The following METAP1D variants were observed in gnomAD, a reference collection of about 807,000 sequenced individuals.
METAP1D encodes methionine aminopeptidase 1D, mitochondrial.
In METAP1D, 31 loss-of-function variants were observed where a neutral mutation model predicts 40.5. The ratio of observed to expected loss-of-function variants is 0.77; its 90% confidence interval spans 0.58 to 1.03. The LOEUF (loss-of-function observed/expected upper bound fraction) is 1.03. METAP1D is among the 50% of genes least tolerant of loss of function. The probability of loss-of-function intolerance (pLI) is 0.00; values close to 1 mark genes in which losing one functional copy is unlikely to be tolerated. For synonymous variants in METAP1D, 151 were observed against 146.4 expected (o/e 1.03, Z -0.22); for missense variants, 411 against 420.7 (o/e 0.98, Z 0.20).
rs181717777 is a variant in METAP1D at position 172,003,910 on chromosome 2, G to T, written c.40+3901G>T. On this transcript the variant is annotated intron_variant, in intron 1 of 9. Coordinates refer to ENST00000315796, the MANE Select transcript of METAP1D (RefSeq NM_199227.3). ...CTCCCGAGTAGCTGGGACCACAGGT[G>T]CCCACCACCACGCCTGGCTAATTTT... Among the ~76,000 whole-genome samples the T allele has an allele frequency of 2.1e-3, 314 of 151,732 alleles. 1 individual carries two copies. Among genetic ancestry groups the T allele is most frequent in the Middle Eastern group, 3.4e-3 (1 of 292 alleles).
intron 1 of METAP1D, among the ~76,000 whole-genome samples, chr2:172,010,315 C>T (rs1688683016): frequency 1.3e-5 from 2 of 150,636 alleles, no homozygotes; most frequent in South Asian, 4.2e-4. Context: ...TAATTTTTTG[C>T]ATTTTTTGTA....
At chr2:172,070,755 A>G in intron 5 of METAP1D, 152 bp from the exon 6 acceptor site, 2 of 542,352 alleles carry the variant, frequency 3.7e-6, no homozygotes, top group Non-Finnish European at 5.7e-6. Context: ...CAAGGTTTCA[A>G]TATATCTATT....
intron 1 of METAP1D, among the ~76,000 whole-genome samples, chr2:172,050,143 A>G (rs1481375330): frequency 1.3e-5 from 2 of 152,188 alleles, no homozygotes; most frequent in African/African-American, 4.8e-5. Flanking sequence ...CATTGAAAAG[A>G]AAAAAGGAAA....
intron 1 of METAP1D, among the ~76,000 whole-genome samples, chr2:172,001,732 A>G (rs1231529372): frequency 6.6e-6 from 1 of 152,136 alleles, no homozygotes; most frequent in Non-Finnish European, 1.5e-5. Context: ...GACTGGTTGC[A>G]TGAAGGAATG....
intron 5 of METAP1D, among the ~76,000 whole-genome samples, chr2:172,068,853 C>T (rs536720059): frequency 1.3e-5 from 2 of 152,122 alleles, no homozygotes; most frequent in African/African-American, 4.8e-5. Context: ...TTCCTTCCTT[C>T]CTTCGTTCCT....
intron 1 of METAP1D, among the ~76,000 whole-genome samples, chr2:172,020,633 C>G (rs1318320071): frequency 3.9e-5 from 6 of 152,092 alleles, no homozygotes; most frequent in Admixed American, 6.5e-5. Flanking sequence ...CAGACAAAAC[C>G]CCCTACCCTA....
intron 7 of METAP1D, 46 bp from the exon 8 acceptor site, chr2:172,079,169 T>TCCTCCCCATTTCCTATTCTCA: frequency 6.3e-7 from 1 of 1,599,396 alleles, no homozygotes; most frequent in Non-Finnish European, 8.6e-7. Context: ...TTTTTTTCTG[T>TCCTCCCCATTTCCTATTCTCA]CCTCCCCATT....
At chr2:172,052,407 C>G (rs1574128071) in intron 1 of METAP1D, among the ~76,000 whole-genome samples, 1 of 152,108 alleles carries the variant, frequency 6.6e-6, no homozygotes, top group African/African-American at 2.4e-5. Flanking sequence ...GGCTCTTTAC[C>G]AGCTTGTTTC....
intron 6 of METAP1D, among the ~76,000 whole-genome samples, chr2:172,074,344 ATC>A (rs536379089): frequency 6.3e-4 from 96 of 152,308 alleles, no homozygotes; most frequent in African/African-American, 2.1e-3. Flanking sequence ...TTAAAAAATA[ATC>A]TCTTTCTATT....
chr2:172,045,988 A>T (rs1365741022), intron 1 of METAP1D, among the ~76,000 whole-genome samples: 1 of 146,912 alleles, frequency 6.8e-6, no homozygotes, highest in Non-Finnish European at 1.5e-5. Context: ...GGGCTTCCCA[A>T]ATTTTATTTT....
intron 6 of METAP1D, among the ~76,000 whole-genome samples, chr2:172,073,608 TTA>T (rs1690475498): frequency 6.6e-6 from 1 of 152,192 alleles, no homozygotes; most frequent in Admixed American, 6.5e-5. Flanking sequence ...TTTAGATGGT[TTA>T]TGTCTGCCGC....
intron 1 of METAP1D, among the ~76,000 whole-genome samples, chr2:172,051,489 T>C (rs1689883046): frequency 6.6e-6 from 1 of 152,192 alleles, no homozygotes; most frequent in South Asian, 2.1e-4. Flanking sequence ...TCGTAAAACA[T>C]TTCTGAACTT....
intron 4 of METAP1D, 125 bp downstream of exon 4, chr2:172,065,877 T>C (rs1219230440): frequency 3.1e-5 from 33 of 1,048,318 alleles, no homozygotes; most frequent in Non-Finnish European, 4.2e-5. Context: ...AAATTGATTA[T>C]GATAAAACAG....
intron 1 of METAP1D, among the ~76,000 whole-genome samples, chr2:172,028,829 GTAA>G (rs1559000347): frequency 6.6e-6 from 1 of 152,084 alleles, no homozygotes; most frequent in Non-Finnish European, 1.5e-5. Context: ...TGAATTCCCT[GTAA>G]TAATTTAAGG....
Position 172,028,534 on chromosome 2 carries a change from ATGTGTGTCTGTGTGTG to A in METAP1D, c.40+28533_40+28548del, listed in dbSNP as rs1689170096. On this transcript the variant is annotated intron_variant, in intron 1 of 9. Coordinates refer to ENST00000315796, the MANE Select transcript of METAP1D (RefSeq NM_199227.3). Reference sequence around the variant, plus strand: ...TTCCTACACATGAGCAGACTTCTGTATGTGTGTCTGTGTGTGTGTGTGTGTGTGTGTGTGTGTGTGT... The same window carrying A: ...TTCCTACACATGAGCAGACTTCTGTATGTGTGTGTGTGTGTGTGTGTGTGT... Among the ~76,000 whole-genome samples the A allele has an allele frequency of 9.6e-5, 12 of 124,450 alleles. No homozygotes were observed. The South Asian group carries it at 3.2e-3, about 34-fold the overall frequency. 81.6% of individuals were successfully genotyped at this position (124,450 alleles called of 152,430 possible).
At chr2:172,007,694 A>G (rs1397184456) in intron 1 of METAP1D, among the ~76,000 whole-genome samples, 2 of 151,986 alleles carry the variant, frequency 1.3e-5, no homozygotes, top group African/African-American at 4.8e-5. Context: ...GGAAAAGGAT[A>G]TTAATTTTGT....
intron 1 of METAP1D, among the ~76,000 whole-genome samples, chr2:172,035,288 C>A (rs1689347842): frequency 6.6e-6 from 1 of 152,086 alleles, no homozygotes; most frequent in Non-Finnish European, 1.5e-5. Context: ...CCTCAGCCTC[C>A]CGAGTAGCTG....
intron 8 of METAP1D, among the ~76,000 whole-genome samples, chr2:172,079,759 A>G (rs1337465846): frequency 2.6e-5 from 4 of 152,222 alleles, no homozygotes; most frequent in Non-Finnish European, 5.9e-5. Context: ...GAACATCTCG[A>G]GCATGTTTTT....
intron 1 of METAP1D, among the ~76,000 whole-genome samples, chr2:172,028,116 G>T (rs1303918687): frequency 6.6e-6 from 1 of 152,182 alleles, no homozygotes; most frequent in Non-Finnish European, 1.5e-5. Flanking sequence ...TGAGAAACGT[G>T]CGTTTAGGGA....
Sources: gnomAD v4.1 joint callset for allele counts (sites outside exome capture counted in the v4.1 genomes callset) on GRCh38, gnomAD v4.1.1 for gene constraint, MANE v1.5 for transcripts, NCBI Gene and HGNC (gene_info 2026-07-23, HGNC 2026-07-21) for gene names.